SF3A3: variants seen among roughly 807,000 people sequenced by gnomAD.
The protein encoded by SF3A3 is splicing factor 3a subunit 3, also known as SAP 61.
A neutral mutation model predicts 85.8 loss-of-function variants in SF3A3; 9 were observed. That is an observed-to-expected ratio of 0.10 (90% CI 0.06 to 0.18). The LOEUF (loss-of-function observed/expected upper bound fraction) is 0.18, where lower values mean the gene tolerates loss of function less well. Among genes scored for constraint, SF3A3 ranks in the 10% least tolerant of loss-of-function variants. The pLI, the probability that SF3A3 is intolerant of heterozygous loss-of-function variation, is 1.00. For synonymous variants in SF3A3, 195 were observed against 204.4 expected, an observed-to-expected ratio of 0.95 and a Z score of 0.39; for missense variants, 306 against 593.3, an observed-to-expected ratio of 0.52 and a Z score of 5.03.
intron 15 of SF3A3, among the ~76,000 whole-genome samples, chr1:37,962,828 G>A (rs1286800578): frequency 6.6e-6 from 1 of 150,942 alleles, no homozygotes; most frequent in Non-Finnish European, 1.5e-5. Context: ...GCTCACGCCT[G>A]TAATCCTAGC....
chr1:37,983,174 G>A (rs1218627486), intron 6 of SF3A3, among the ~76,000 whole-genome samples: 1 of 149,522 alleles, frequency 6.7e-6, no homozygotes, highest in Non-Finnish European at 1.5e-5. Flanking sequence ...CTGACCCCAG[G>A]TGATCTGCCC....
intron 15 of SF3A3, among the ~76,000 whole-genome samples, chr1:37,964,104 G>A (rs565848984): frequency 1.3e-5 from 2 of 151,880 alleles, no homozygotes; most frequent in South Asian, 2.1e-4. Context: ...GCTTTAACCC[G>A]GGAGGTGGAG....
At position 37,987,799 on chromosome 1, in the gene SF3A3, T is replaced by C. The variant is rs1291840640; in HGVS notation, c.182A>G (p.Tyr61Cys). ...MEVSGNLRDL[Y>C]DDKDGLRKEE... is the part of the protein sequence containing the mutation. ...TGTCACTTACCCATCCTTATCATCA[T>C]ACAAATCCCTCAGGTTCCCACTGAC... The change falls in exon 3 of 17, where the codon TAT (tyrosine) becomes TGT (cysteine). Residue 61 changes from tyrosine to cysteine, a missense_variant. Physicochemically the swap from Tyr to Cys is radical, Grantham distance 194. Around this residue, in one of 4 missense-constraint regions of SF3A3, gnomAD observed 152 missense variants for 192.0 expected, o/e 0.79. Coordinates refer to ENST00000373019, the MANE Select transcript of SF3A3 (RefSeq NM_006802.4). 2 of 1,613,576 alleles carry C rather than the reference T, an allele frequency of 1.2e-6. No homozygotes were observed. Among genetic ancestry groups the C allele is most frequent in the South Asian group, 1.1e-5 (1 of 91,066 alleles).
chr1:37,978,982 C>T lies in SF3A3; in HGVS notation c.827+6G>A. The T allele has an allele frequency of 1.2e-6, 2 of 1,612,858 alleles. No individual in the cohort carries two copies. Among genetic ancestry groups the T allele is most frequent in the Non-Finnish European group, 1.7e-6 (2 of 1,178,828 alleles). On this transcript the variant is annotated splice_donor_region_variant and intron_variant, in intron 10 of 16. Coordinates refer to ENST00000373019, the MANE Select transcript of SF3A3 (RefSeq NM_006802.4). ...CGATAGTTTTGATAGAAAAACTATTCCTTACCCGCCACATTTCAAGCCTAA... is the reference window on the plus strand; with the variant it reads ...CGATAGTTTTGATAGAAAAACTATTTCTTACCCGCCACATTTCAAGCCTAA...
intron 15 of SF3A3, among the ~76,000 whole-genome samples, chr1:37,961,688 T>C (rs1267179415): frequency 1.5e-5 from 2 of 135,418 alleles, no homozygotes; most frequent in African/African-American, 5.5e-5. Flanking sequence ...GGCAGGACCC[T>C]GTCATATTCT....
intron 15 of SF3A3, among the ~76,000 whole-genome samples, chr1:37,965,424 T>G (rs1374123323): frequency 6.6e-6 from 1 of 151,922 alleles, no homozygotes; most frequent in Non-Finnish European, 1.5e-5. Context: ...ACTGAAGAGA[T>G]AATCTCTGTC....
At chr1:37,974,668 C>G (rs1391651260) in intron 12 of SF3A3, among the ~76,000 whole-genome samples, 1 of 152,100 alleles carries the variant, frequency 6.6e-6, no homozygotes, top group Admixed American at 6.6e-5. Context: ...ATTTTGCTAC[C>G]AGGTTTATCT....
chr1:37,988,204 G>A (rs1403952730), intron 2 of SF3A3, among the ~76,000 whole-genome samples: 1 of 152,154 alleles, frequency 6.6e-6, no homozygotes, highest in Non-Finnish European at 1.5e-5. Context: ...AGATAAAGAT[G>A]ATATTCACTA....
chr1:37,978,537 G>A (rs77135104), intron 11 of SF3A3, among the ~76,000 whole-genome samples, 183 bp downstream of exon 11: 3,552 of 152,028 alleles, frequency 0.023, 59 homozygotes, highest in African/African-American at 0.025. Context: ...GAATACAGAC[G>A]GTCCTTGGTT....
chr1:37,960,895 C>T (rs1646253245), intron 15 of SF3A3, among the ~76,000 whole-genome samples: 1 of 152,040 alleles, frequency 6.6e-6, no homozygotes, highest in Non-Finnish European at 1.5e-5. Flanking sequence ...CCTCGTGATC[C>T]ACCCGCCTCG....
In SF3A3 at chr1:37,981,821, G is replaced by C. The variant is rs762169022; in HGVS notation, c.469-10C>G. The stretch of plus-strand genomic sequence containing the variant: ...TGATATAATCCAGCTTCTGAAAAGA[G>C]GAAAGAAATGACAAGAAATTCAGTT... On this transcript the variant is annotated splice_polypyrimidine_tract_variant and intron_variant, in intron 6 of 16. Transcript: ENST00000373019. The C allele has an allele frequency of 2.0e-6, 3 of 1,489,046 alleles. No individual in the cohort carries two copies. Among genetic ancestry groups the C allele is most frequent in the Non-Finnish European group, 2.8e-6 (3 of 1,080,636 alleles). 92.2% of individuals were successfully genotyped at this position (1,489,046 alleles called of 1,614,324 possible). A position where few individuals can be genotyped will look rare whatever the true frequency, so the allele number is the denominator to read the frequency against.
At chr1:37,963,872 T>TAAAAAAAA (rs771447218) in intron 15 of SF3A3, among the ~76,000 whole-genome samples, 1 of 81,832 alleles carries the variant, frequency 1.2e-5, no homozygotes, top group African/African-American at 5.5e-5. Flanking sequence ...ATGATATTCT[T>TAAAAAAAA]AAAAAAAAAA....
At position 37,972,407 on chromosome 1, in the gene SF3A3, A is replaced by G. The variant is rs543704548; in HGVS notation, c.1006-2672T>C. On this transcript the variant is annotated intron_variant, in intron 12 of 16. Transcript: ENST00000373019. Reference sequence around the variant, plus strand: ...CCATGCTCATGGATAGGAAGAATCAATATTGTGAAAATGGCCATACTGCCC... The same window carrying G: ...CCATGCTCATGGATAGGAAGAATCAGTATTGTGAAAATGGCCATACTGCCC... Among the ~76,000 whole-genome samples, 484 of 152,360 alleles carry G rather than the reference A, an allele frequency of 3.2e-3. 5 individuals carry two copies. The highest frequency in any genetic ancestry group is 3.6e-3 in the Non-Finnish European group (243 of 68,026).
At chr1:37,979,185 G>A in intron 9 of SF3A3, 130 bp from the exon 10 acceptor site, 1 of 733,482 alleles carries the variant, frequency 1.4e-6, no homozygotes, top group South Asian at 1.6e-5. Flanking sequence ...CTAGCAGTAA[G>A]TCTAAACTCT....
At chr1:37,986,689 G>A (rs1646459498) in intron 4 of SF3A3, among the ~76,000 whole-genome samples, 1 of 151,520 alleles carries the variant, frequency 6.6e-6, no homozygotes, top group South Asian at 2.1e-4. Flanking sequence ...GCAGGCACCT[G>A]TAGTCCCAGC....
At chr1:37,989,455 G>T in intron 2 of SF3A3, 93 bp downstream of exon 2, 2 of 1,387,866 alleles carry the variant, frequency 1.4e-6, no homozygotes, top group Non-Finnish European at 2.0e-6. Flanking sequence ...GGTTACCTTT[G>T]GCCAGGGACT....
chr1:37,984,100 G>A, intron 6 of SF3A3, 69 bp downstream of exon 6: 1 of 774,624 alleles, frequency 1.3e-6, no homozygotes, highest in South Asian at 1.6e-5. Flanking sequence ...CTTCATGTCT[G>A]CTAGTTCCAG....
At chr1:37,967,023 G>A (rs1400643948) in intron 15 of SF3A3, among the ~76,000 whole-genome samples, 1 of 138,378 alleles carries the variant, frequency 7.2e-6, no homozygotes, top group East Asian at 2.1e-4. Flanking sequence ...GCCAACATGG[G>A]TGGATCACTT....
chr1:37,971,551 C>T (rs1261901312), intron 12 of SF3A3, among the ~76,000 whole-genome samples: 1 of 151,532 alleles, frequency 6.6e-6, no homozygotes, highest in African/African-American at 2.4e-5. Flanking sequence ...GAGACCACAA[C>T]AAAAAAAAGA....
Sources: gnomAD v4.1 joint callset for allele counts (sites outside exome capture counted in the v4.1 genomes callset) on GRCh38, gnomAD v4.1.1 for gene constraint, gnomAD v4.1.1 regional missense constraint, MANE v1.5 for transcripts, NCBI Gene and HGNC (gene_info 2026-07-23, HGNC 2026-07-21) for gene names.